Variants in PKD1L1 observed in about 807,000 individuals in gnomAD.
PKD1L1 encodes polycystin-1-like protein 1.
A neutral mutation model predicts 323.4 loss-of-function variants in PKD1L1; 236 were observed. The observed-to-expected ratio is 0.73, with a 90% CI of 0.66 to 0.81. The LOEUF is 0.81. PKD1L1 is among the 40% of genes least tolerant of loss of function. The probability of loss-of-function intolerance (pLI) is 0.00; values close to 1 mark genes in which losing one functional copy is unlikely to be tolerated. For synonymous variants in PKD1L1, 1,344 were observed against 1,335.0 expected (o/e 1.01, Z -0.15); for missense variants, 3,320 against 3,508.0 (o/e 0.95, Z 1.35).
chr7:47,845,120 G>C (rs192085105), intron 32 of PKD1L1, 42 bp from the exon 33 acceptor site: 2 of 1,538,998 alleles, frequency 1.3e-6, no homozygotes, highest in Non-Finnish European at 9.0e-7. Flanking sequence ...TGTGTGGAGA[G>C]AGCAGCTGTT....
the PKD1L1 span, among the ~76,000 whole-genome samples, chr7:47,955,559 A>G: frequency 6.6e-6 from 1 of 152,192 alleles, no homozygotes; most frequent in Non-Finnish European, 1.5e-5. Context: ...TAAGTCATAC[A>G]TTTTGCCATA....
intron 8 of PKD1L1, among the ~76,000 whole-genome samples, chr7:47,912,588 G>A (rs1401798241): frequency 6.6e-6 from 1 of 151,936 alleles, no homozygotes; most frequent in African/African-American, 2.4e-5. Flanking sequence ...GGCTGAGGCG[G>A]GTGGATCGCT....
In PKD1L1 at chr7:47,855,141, A is replaced by C; in HGVS notation, c.4701+14T>G. 1 of 1,612,904 alleles carries C rather than the reference A, an allele frequency of 6.2e-7. No homozygotes were observed. The highest frequency in any genetic ancestry group is 2.2e-5 in the East Asian group (1 of 44,860). ...CCTAAATGAAGTAGAGATACTGAGAAAGGCTCTCCTTACCAGGCCATCCTC... is the reference window on the plus strand; with the variant it reads ...CCTAAATGAAGTAGAGATACTGAGACAGGCTCTCCTTACCAGGCCATCCTC... On this transcript the variant is annotated intron_variant, in intron 29 of 56. Transcript: ENST00000289672.
intron 4 of PKD1L1, 65 bp downstream of exon 4, chr7:47,936,781 T>G (rs746636484): frequency 3.9e-6 from 5 of 1,290,200 alleles, no homozygotes; most frequent in Non-Finnish European, 5.5e-6. Flanking sequence ...TGAGCAATTC[T>G]TTGTAAGTTC....
At chr7:47,801,267 C>G (rs12702389) in intron 53 of PKD1L1, among the ~76,000 whole-genome samples, 107,911 of 152,036 alleles carry the variant, frequency 0.71, 38,574 homozygotes, top group Middle Eastern at 0.76. Flanking sequence ...TTTATGTCCC[C>G]CGCACCTGGC....
chr7:47,960,339 CTG>C, the PKD1L1 span, among the ~76,000 whole-genome samples: 2 of 129,644 alleles, frequency 1.5e-5, no homozygotes, highest in African/African-American at 5.9e-5. Flanking sequence ...AAATCCCCCT[CTG>C]TGAGAAACAC....
intron 22 of PKD1L1, among the ~76,000 whole-genome samples, chr7:47,876,457 G>C (rs1279144602): frequency 6.6e-6 from 1 of 152,158 alleles, no homozygotes. Flanking sequence ...ACCAGTGTCT[G>C]TGTCCTCTCC....
chr7:47,822,619 A>C (rs896347793), intron 45 of PKD1L1, among the ~76,000 whole-genome samples: 1 of 148,588 alleles, frequency 6.7e-6, no homozygotes, highest in African/African-American at 2.5e-5. Flanking sequence ...AAAAAAAAAA[A>C]CAGCTGTGGT....
chr7:47,946,398 A>T lies in PKD1L1; in HGVS notation c.44+1999T>A, dbSNP rs1583696976. Among the ~76,000 whole-genome samples the T allele has an allele frequency of 1.8e-5, 2 of 113,804 alleles. No individual in the cohort carries two copies. The highest frequency in any genetic ancestry group is 6.4e-4 in the South Asian group (2 of 3,130). 74.7% of individuals were successfully genotyped at this position (113,804 alleles called of 152,430 possible). On this transcript the variant is annotated intron_variant, in intron 1 of 56. Transcript: ENST00000289672. The surrounding 1 kb of genome is among the most constrained non-coding windows in gnomAD (Gnocchi z 4.1). ...TCACACCACACCACACTCACACCACACAAACACACCACACAGCATCACACA... is the reference window on the plus strand; with the variant it reads ...TCACACCACACCACACTCACACCACTCAAACACACCACACAGCATCACACA...
chr7:47,808,045 A>G (rs955145846), intron 52 of PKD1L1, among the ~76,000 whole-genome samples: 2 of 152,154 alleles, frequency 1.3e-5, no homozygotes, highest in African/African-American at 4.8e-5. Context: ...CAGAATCCAC[A>G]TACCCCAGTG....
At chr7:47,902,270 G>A (rs1787108317) in intron 13 of PKD1L1, 109 bp downstream of exon 13, 3 of 1,428,950 alleles carry the variant, frequency 2.1e-6, no homozygotes, top group Non-Finnish European at 1.9e-6. Flanking sequence ...GGATAAACTG[G>A]ACAAAGCCTC....
chr7:47,952,607 A>G (rs1788220105), upstream of PKD1L1, among the ~76,000 whole-genome samples: 1 of 152,190 alleles, frequency 6.6e-6, no homozygotes, highest in South Asian at 2.1e-4. Context: ...TTTCTCTGAG[A>G]TAAGTATGTC....
chr7:47,905,274 G>A lies in PKD1L1; in HGVS notation c.1574C>T (p.Thr525Ile), dbSNP rs2128751096. Reference sequence around the variant, plus strand: ...TGTTTCCTTGGTAACAGCTGTAAATGTAATGTCTGTGTCTGTGGCAAACAC... The same window carrying A: ...TGTTTCCTTGGTAACAGCTGTAAATATAATGTCTGTGTCTGTGGCAAACAC... Reference protein sequence around the residue: ...GTVFATDTDITFTAVTKETIP... With the variant: ...GTVFATDTDIIFTAVTKETIP... Residue 525 changes from threonine to isoleucine, a missense_variant, in exon 11 of 57, where the codon ACA (threonine) becomes ATA (isoleucine). Thr to Ile is a moderately conservative substitution (Grantham distance 89, BLOSUM62 -1). Transcript: ENST00000289672. The A allele has an allele frequency of 6.2e-7, 1 of 1,614,146 alleles. No individual in the cohort carries two copies. The highest frequency in any genetic ancestry group is 8.5e-7 in the Non-Finnish European group (1 of 1,180,032).
In PKD1L1 at chr7:47,865,223, G is replaced by A; in HGVS notation, c.4142C>T (p.Ser1381Phe). The A allele has an allele frequency of 6.2e-7, 1 of 1,612,722 alleles. No homozygotes were observed. The highest frequency in any genetic ancestry group is 8.5e-7 in the Non-Finnish European group (1 of 1,179,304). The change falls in exon 26 of 57, where the codon TCT becomes TTT. Residue 1381 changes from serine to phenylalanine, a missense_variant. Physicochemically the swap from Ser to Phe is radical, Grantham distance 155. Coordinates refer to ENST00000289672, the MANE Select transcript of PKD1L1 (RefSeq NM_138295.5). The part of the protein sequence containing the change: ...VLMLRDLVSF[S>F]NKLGFMSAVL... Reference sequence around the variant, plus strand: ...GGAAAAAATTGCACTTACCTTATTAGAGAAGCTCACGAGGTCCCTCAACAT... The same window carrying A: ...GGAAAAAATTGCACTTACCTTATTAAAGAAGCTCACGAGGTCCCTCAACAT...
chr7:47,894,030 G>A lies in PKD1L1; in HGVS notation c.2301C>T (p.Ser767=). ...KVQIEGSVVY[S]NYCVGLEVRA... ...GCACCTCCAGGCCCACACAGTAGTT[G>A]CTGTACACCACACTGCCTTCAATCT... is the stretch of plus-strand genomic sequence containing the variant. The change falls in exon 15 of 57, where the codon AGC becomes AGT. Residue 767 remains serine, a synonymous_variant. Coordinates refer to ENST00000289672, the MANE Select transcript of PKD1L1 (RefSeq NM_138295.5). 6.3e-7 allele frequency: 1 copy of A among 1,597,076 alleles called. No individual in the cohort carries two copies. Among genetic ancestry groups the A allele is most frequent in the South Asian group, 1.1e-5 (1 of 87,818 alleles).
At chr7:47,939,856 G>A (rs1475863683) in intron 3 of PKD1L1, among the ~76,000 whole-genome samples, 2 of 151,886 alleles carry the variant, frequency 1.3e-5, no homozygotes, top group Admixed American at 1.3e-4. Flanking sequence ...CCACCTGAGG[G>A]CTACCCTCCT....
chr7:47,927,036 C>A (rs978059222), intron 7 of PKD1L1, among the ~76,000 whole-genome samples: 8 of 152,036 alleles, frequency 5.3e-5, no homozygotes, highest in African/African-American at 1.9e-4. Context: ...TATTCAAATG[C>A]ATTCAATATT....
chr7:47,903,429 G>A (rs1049243232), intron 12 of PKD1L1, among the ~76,000 whole-genome samples: 4 of 152,154 alleles, frequency 2.6e-5, no homozygotes, highest in Non-Finnish European at 5.9e-5. Flanking sequence ...ATATCGCCAG[G>A]TACCTAGGCC....
intron 28 of PKD1L1, among the ~76,000 whole-genome samples, chr7:47,857,116 G>A (rs75391917): frequency 0.12 from 18,049 of 152,262 alleles, 1,485 homozygotes; most frequent in Middle Eastern, 0.18. Flanking sequence ...CACCCTGCAG[G>A]TTCAGCCCAG....
Sources: allele counts gnomAD v4.1 joint callset (sites outside exome capture counted in the v4.1 genomes callset), GRCh38; gene constraint gnomAD v4.1.1; non-coding constraint Gnocchi (gnomAD v3.1); transcripts MANE v1.5; gene names NCBI Gene and HGNC (gene_info 2026-07-23, HGNC 2026-07-21).